FAM98B: variants seen among roughly 807,000 people sequenced by gnomAD.
FAM98B encodes tRNA splicing ligase complex subunit 3B.
A neutral mutation model predicts 43.9 loss-of-function variants in FAM98B; 32 were observed. The ratio of observed to expected loss-of-function variants is 0.73; its 90% CI spans 0.55 to 0.98. The LOEUF (loss-of-function observed/expected upper bound fraction) is 0.98. Ranked by LOEUF, FAM98B falls within the 50% of genes least tolerant of loss-of-function variation. The pLI is 0.00. For missense variants in FAM98B, 514 were observed against 522.9 expected (o/e 0.98, Z 0.17); for synonymous variants, 190 against 174.0 (o/e 1.09, Z -0.72).
intron 2 of FAM98B, 138 bp downstream of exon 2, chr15:38,464,315 A>T: frequency 1.3e-6 from 1 of 772,554 alleles, no homozygotes; most frequent in African/African-American, 1.8e-5. Flanking sequence ...GGTAGTAAAC[A>T]TTTTTGGATT....
At chr15:38,470,491 T>C in intron 4 of FAM98B, 86 bp downstream of exon 4, 1 of 1,214,820 alleles carries the variant, frequency 8.2e-7, no homozygotes, top group African/African-American at 1.6e-5. Context: ...TTCCCTATAA[T>C]TATGAGGTAT....
At chr15:38,474,030 A>C in intron 5 of FAM98B, 152 bp from the exon 6 acceptor site, 1 of 594,548 alleles carries the variant, frequency 1.7e-6, no homozygotes, top group Non-Finnish European at 3.0e-6. Context: ...TTAGTATTTA[A>C]ATAATTTACC....
chr15:38,484,289 G>T lies in FAM98B; in HGVS notation c.932G>T (p.Arg311Leu). 6.5e-7 allele frequency: 1 copy of T among 1,549,850 alleles called. No individual in the cohort carries two copies. Among genetic ancestry groups the T allele is most frequent in the Non-Finnish European group, 8.7e-7 (1 of 1,147,120 alleles). ...GGAAGGGTGCCTGACAGGGGAGGCCGGCCGAATGAAATTGAACCACCACCT... is the reference window on the plus strand; with the variant it reads ...GGAAGGGTGCCTGACAGGGGAGGCCTGCCGAATGAAATTGAACCACCACCT... ...LMGRVPDRGG[R>L]PNEIEPPPPE... Residue 311 changes from arginine to leucine, a missense_variant, in exon 8 of 8, where the codon CGG (arginine) becomes CTG (leucine). Arg to Leu is a moderately radical substitution (Grantham distance 102). This residue lies in a region of FAM98B where 469 missense variants were observed against 451.8 expected (regional missense o/e 1.04). Transcript: ENST00000397609.
chr15:38,477,857 G>A (rs62002949), intron 6 of FAM98B, among the ~76,000 whole-genome samples: 1,765 of 152,296 alleles, frequency 0.012, 20 homozygotes, highest in Non-Finnish European at 0.019. Flanking sequence ...GTTAAGAGCT[G>A]TAAGTTACCA....
rs185439096 is a variant in FAM98B at position 38,483,952 on chromosome 15, G to C, written c.898-303G>C. 6.6e-5 allele frequency among the ~76,000 whole-genome samples: 10 copies of C among 151,928 alleles called. No individual in the cohort carries two copies. In the East Asian group the frequency reaches 1.7e-3, roughly 27 times the overall value. On this transcript the variant is annotated intron_variant, in intron 7 of 7. Coordinates refer to ENST00000397609, the MANE Select transcript of FAM98B (RefSeq NM_173611.4). ...CCTCTCAAACATTTATCATCTCTTT[G>C]TGTTGGAAACATTCAATATCCTCCT...
intron 1 of FAM98B, among the ~76,000 whole-genome samples, chr15:38,456,554 C>T (rs1889852007): frequency 6.6e-6 from 1 of 152,022 alleles, no homozygotes; most frequent in Non-Finnish European, 1.5e-5. Context: ...AGTTTATAAT[C>T]TAGTGGAGAA....
chr15:38,483,854 C>T (rs1890324174), intron 7 of FAM98B, among the ~76,000 whole-genome samples: 1 of 151,628 alleles, frequency 6.6e-6, no homozygotes, highest in Non-Finnish European at 1.5e-5. Flanking sequence ...CATAATTGTA[C>T]ATATGTATGA....
At chr15:38,454,535 C>T (rs369577019) in intron 1 of FAM98B, among the ~76,000 whole-genome samples, 3 of 152,234 alleles carry the variant, frequency 2.0e-5, no homozygotes, top group African/African-American at 7.2e-5. Context: ...GTTTTCTGGG[C>T]TAGCTCGCGC....
chr15:38,468,390 A>C (rs917320386), intron 3 of FAM98B, among the ~76,000 whole-genome samples: 1 of 152,016 alleles, frequency 6.6e-6, no homozygotes, highest in Non-Finnish European at 1.5e-5. Flanking sequence ...ATGCCTAGCA[A>C]ATTTTTAAAA....
chr15:38,457,788 G>A (rs1889871340), intron 1 of FAM98B, among the ~76,000 whole-genome samples: 2 of 152,144 alleles, frequency 1.3e-5, no homozygotes, highest in African/African-American at 4.8e-5. Context: ...TGGCAAATCT[G>A]AGTGGCCTGT....
intron 6 of FAM98B, among the ~76,000 whole-genome samples, chr15:38,475,623 C>G (rs1890186865): frequency 6.6e-6 from 1 of 152,154 alleles, no homozygotes. Flanking sequence ...CGCCTTCTGT[C>G]TCTGACACTC....
At position 38,486,467 on chromosome 15, in the gene FAM98B, T is replaced by A. The variant is rs1035127046; in HGVS notation, c.*1808T>A. 7.9e-5 allele frequency: 12 copies of A among 152,152 alleles called. No homozygotes were observed. Among genetic ancestry groups the A allele is most frequent in the Non-Finnish European group, 1.3e-4 (9 of 67,968 alleles). The allele number at this position is 152,152 out of a possible 1,614,324, so 9.4% of individuals were successfully genotyped here. A position where few individuals can be genotyped will look rare whatever the true frequency, so the allele number is the denominator to read the frequency against. On this transcript the variant is annotated 3_prime_UTR_variant, in exon 8 of 8. Transcript: ENST00000397609. The stretch of plus-strand genomic sequence containing the variant: ...AGCATTAGTTGCTGATGAAGGAGAT[T>A]TACAACTACTTTCAACTTTTTTACC...
At chr15:38,468,014 A>G (rs747440340) in intron 3 of FAM98B, among the ~76,000 whole-genome samples, 9 of 152,166 alleles carry the variant, frequency 5.9e-5, no homozygotes, top group Non-Finnish European at 8.8e-5. Flanking sequence ...ATTAATGGTG[A>G]TTGCCTCTGG....
At chr15:38,468,692 T>G (rs1031589408) in intron 3 of FAM98B, among the ~76,000 whole-genome samples, 2 of 152,224 alleles carry the variant, frequency 1.3e-5, no homozygotes, top group African/African-American at 4.8e-5. Context: ...CAATCTTGCC[T>G]GACCTTGGCA....
chr15:38,459,368 T>TGAGCTCAGTGGAA (rs1389095112), intron 1 of FAM98B: 1 of 432,596 alleles, frequency 2.3e-6, no homozygotes, highest in East Asian at 6.6e-5. Flanking sequence ...CTTATATGGA[T>TGAGCTCAGTGGAA]GAGCTCAGTG....
At chr15:38,461,494 A>T (rs1346734088) in intron 1 of FAM98B, among the ~76,000 whole-genome samples, 1 of 152,130 alleles carries the variant, frequency 6.6e-6, no homozygotes, top group East Asian at 1.9e-4. Flanking sequence ...ATTCTACAGA[A>T]TTAGGATAAT....
chr15:38,470,139 A>T (rs576090155), intron 3 of FAM98B, 88 bp from the exon 4 acceptor site: 73 of 1,128,420 alleles, frequency 6.5e-5, no homozygotes, highest in Middle Eastern at 6.2e-4. Flanking sequence ...GTATTAATTG[A>T]TACTTGTTTT....
rs1023084037 is a variant in FAM98B at position 38,481,751 on chromosome 15, CA to C, written c.897+293del. 39 of 829,602 alleles carry C rather than the reference CA, an allele frequency of 4.7e-5. No individual in the cohort carries two copies. In the African/African-American group the frequency reaches 6.0e-4, roughly 13 times the overall value. 51.4% of individuals were successfully genotyped at this position (829,602 alleles called of 1,614,324 possible). ...TTTCTAAAAAGTAATCATTTTTTGT[CA>C]GTAAGAATCTTTCGGAATTGTTTCA... On this transcript the variant is annotated intron_variant, in intron 7 of 7. Transcript: ENST00000397609.
chr15:38,455,121 G>T (rs1566895934), intron 1 of FAM98B, among the ~76,000 whole-genome samples: 1 of 152,140 alleles, frequency 6.6e-6, no homozygotes. Flanking sequence ...GAAAACTGAT[G>T]CTTTGCATAT....
Sources: allele counts gnomAD v4.1 joint callset (sites outside exome capture counted in the v4.1 genomes callset), GRCh38; gene constraint gnomAD v4.1.1; regional missense constraint gnomAD v4.1.1; transcripts MANE v1.5; gene names NCBI Gene and HGNC (gene_info 2026-07-23, HGNC 2026-07-21).